Variants in ASTN2 observed in about 807,000 individuals in gnomAD.
ASTN2 encodes the protein astrotactin-2.
Under a neutral mutation model 139.8 loss-of-function variants are expected in ASTN2, and 54 were observed. The observed-to-expected ratio is 0.39, with a 90% CI of 0.31 to 0.48. The LOEUF (loss-of-function observed/expected upper bound fraction) is 0.48. Among genes scored for constraint, ASTN2 ranks in the 20% least tolerant of loss-of-function variants. The probability of loss-of-function intolerance (pLI) is 0.95; values close to 1 mark genes in which losing one functional copy is unlikely to be tolerated. For missense variants in ASTN2, 1,565 were observed against 1,725.1 expected (o/e 0.91, Z 1.64); for synonymous variants, 756 against 719.5 (o/e 1.05, Z -0.81).
At chr9:116,815,828 A>AAAAAAG (rs1554750237) in intron 12 of ASTN2, among the ~76,000 whole-genome samples, 116 of 145,948 alleles carry the variant, frequency 7.9e-4, no homozygotes, top group African/African-American at 2.8e-3. Flanking sequence ...AAAAAAAAAA[A>AAAAAAG]GTTGATGAAA....
At chr9:116,705,502 G>C (rs576697757) in intron 16 of ASTN2, among the ~76,000 whole-genome samples, 2 of 152,190 alleles carry the variant, frequency 1.3e-5, no homozygotes, top group South Asian at 4.2e-4. Context: ...TTTTCTTGTG[G>C]TGATTTACCC....
intron 19 of ASTN2, among the ~76,000 whole-genome samples, chr9:116,565,210 CCACAAA>C (rs1437145146): frequency 2.3e-5 from 2 of 87,398 alleles, no homozygotes; most frequent in East Asian, 3.6e-4. Flanking sequence ...CTTAGGCTTG[CCACAAA>C]CACACACACA....
chr9:117,186,204 A>G (rs1831193002), intron 3 of ASTN2, among the ~76,000 whole-genome samples: 1 of 152,224 alleles, frequency 6.6e-6, no homozygotes, highest in Non-Finnish European at 1.5e-5. Flanking sequence ...AGTACTGGTC[A>G]CACAACTTGG....
intron 2 of ASTN2, among the ~76,000 whole-genome samples, chr9:117,230,095 G>T (rs1415542706): frequency 7.0e-6 from 1 of 143,304 alleles, no homozygotes; most frequent in African/African-American, 2.6e-5. Flanking sequence ...GAGCCCAGGA[G>T]TTTGAGGTAA....
chr9:116,490,303 A>AAAAAG (rs1564314423), intron 19 of ASTN2, among the ~76,000 whole-genome samples: 2 of 104,516 alleles, frequency 1.9e-5, no homozygotes, highest in African/African-American at 3.4e-5. Context: ...AAAAAAAAAA[A>AAAAAG]GGGGGCATTG....
chr9:116,919,914 C>T (rs1384673660), intron 10 of ASTN2, among the ~76,000 whole-genome samples: 1 of 149,236 alleles, frequency 6.7e-6, no homozygotes, highest in East Asian at 2.0e-4. Context: ...GCACTCCAGC[C>T]TGGGTGACAG....
intron 10 of ASTN2, among the ~76,000 whole-genome samples, chr9:116,929,057 T>A (rs1834831888): frequency 6.6e-6 from 1 of 152,140 alleles, no homozygotes; most frequent in African/African-American, 2.4e-5. Flanking sequence ...GGATCCAGCA[T>A]ATTATCCCCA....
intron 12 of ASTN2, among the ~76,000 whole-genome samples, chr9:116,807,113 A>G (rs1298658970): frequency 2.0e-5 from 3 of 152,208 alleles, no homozygotes; most frequent in East Asian, 3.9e-4. Flanking sequence ...CCTGGTTGGT[A>G]TGTCAGTTTG....
chr9:117,171,803 C>T (rs991907291), intron 3 of ASTN2, among the ~76,000 whole-genome samples: 4 of 152,114 alleles, frequency 2.6e-5, no homozygotes, highest in Non-Finnish European at 5.9e-5. Context: ...CTCAATTAAA[C>T]CTCTTTCCTT....
chr9:116,632,177 A>G (rs972163783), intron 17 of ASTN2, among the ~76,000 whole-genome samples: 13 of 20,810 alleles, frequency 6.2e-4, no homozygotes, highest in Admixed American at 1.1e-3. Context: ...AGAGAGAGAG[A>G]GAGAGAGGGA....
At chr9:117,124,044 G>A (rs1829625966) in intron 4 of ASTN2, among the ~76,000 whole-genome samples, 1 of 152,118 alleles carries the variant, frequency 6.6e-6, no homozygotes, top group African/African-American at 2.4e-5. Flanking sequence ...CAGGATTTTG[G>A]ATACATTTTC....
intron 20 of ASTN2, among the ~76,000 whole-genome samples, chr9:116,469,730 G>A (rs1377265898): frequency 6.6e-6 from 1 of 152,152 alleles, no homozygotes; most frequent in African/African-American, 2.4e-5. Context: ...GTGTCTCTGT[G>A]TTTGTGCAAT....
intron 1 of ASTN2, among the ~76,000 whole-genome samples, chr9:117,346,010 C>CAAAAAAAAAAAAAAAAAAAAAAA (rs35773511): frequency 1.1e-5 from 1 of 92,336 alleles, no homozygotes; most frequent in African/African-American, 3.8e-5. Flanking sequence ...AACTAAGAGG[C>CAAAAAAAAAAAAAAAAAAAAAAA]AAAAAAAAAA....
intron 22 of ASTN2, among the ~76,000 whole-genome samples, chr9:116,433,193 C>G (rs933505595): frequency 3.3e-5 from 5 of 152,152 alleles, no homozygotes; most frequent in Non-Finnish European, 7.3e-5. Context: ...GTTTTTAATA[C>G]ACAACCAGAT....
chr9:117,014,969 T>C (rs1054992602), intron 6 of ASTN2, among the ~76,000 whole-genome samples: 13 of 152,168 alleles, frequency 8.5e-5, no homozygotes, highest in African/African-American at 2.9e-4. Context: ...TTTTTCTTTA[T>C]GGCAGCCCTA....
chr9:116,453,454 C>T (rs962083075), intron 20 of ASTN2, among the ~76,000 whole-genome samples: 2 of 151,526 alleles, frequency 1.3e-5, no homozygotes, highest in South Asian at 2.1e-4. Context: ...ATTAGCTGGG[C>T]GTGGTGGCGG....
At chr9:116,441,250 G>C (rs1185118161) in intron 21 of ASTN2, among the ~76,000 whole-genome samples, 2 of 146,054 alleles carry the variant, frequency 1.4e-5, no homozygotes, top group Admixed American at 1.4e-4. Flanking sequence ...ACCTTTCAAA[G>C]ATAATCCAAA....
At chr9:116,945,073 C>T (rs943469153) in intron 10 of ASTN2, among the ~76,000 whole-genome samples, 1 of 152,146 alleles carries the variant, frequency 6.6e-6, no homozygotes, top group African/African-American at 2.4e-5. Flanking sequence ...CTCAAAATGA[C>T]TCCGTTCAAG....
chr9:116,766,555 A>G (rs1829814307), intron 13 of ASTN2, among the ~76,000 whole-genome samples: 1 of 151,916 alleles, frequency 6.6e-6, no homozygotes, highest in Non-Finnish European at 1.5e-5. Context: ...ACATGCATTC[A>G]TACTAATCAC....
Sources: gnomAD v4.1 joint callset for allele counts (sites outside exome capture counted in the v4.1 genomes callset) on GRCh38, gnomAD v4.1.1 for gene constraint, MANE v1.5 for transcripts, NCBI Gene and HGNC (gene_info 2026-07-23, HGNC 2026-07-21) for gene names.